Variants in GPRC5A observed in about 807,000 individuals in gnomAD.
GPRC5A encodes the protein G protein-coupled receptor class C group 5 member A.
In GPRC5A, 19 loss-of-function variants were observed where a neutral mutation model predicts 22.5. The observed-to-expected ratio is 0.85, with a 90% CI of 0.59 to 1.24. The LOEUF (loss-of-function observed/expected upper bound fraction) is 1.24, where lower values mean the gene tolerates loss of function less well. GPRC5A is among the 50% of genes most tolerant of loss of function. The pLI is 0.00. For missense variants in GPRC5A, 471 were observed against 451.1 expected (o/e 1.04, Z -0.40); for synonymous variants, 192 against 184.5 (o/e 1.04, Z -0.33).
At position 12,908,943 on chromosome 12, in the gene GPRC5A, A is replaced by C; in HGVS notation, c.694A>C (p.Met232Leu). The change falls in exon 2 of 4, where the codon ATG becomes CTG. Residue 232 changes from methionine to leucine, a missense_variant. Coordinates refer to ENST00000014914, the MANE Select transcript of GPRC5A (RefSeq NM_003979.4). ...CTGGGTGGCCTGGATCACCCTGCTCATGCTTCCTGACTTTGACCGCAGGTG... is the reference window on the plus strand; with the variant it reads ...CTGGGTGGCCTGGATCACCCTGCTCCTGCTTCCTGACTTTGACCGCAGGTG... ...AIWVAWITLL[M>L]LPDFDRRWDD... 1 of 1,613,972 alleles carries C rather than the reference A, an allele frequency of 6.2e-7. No individual in the cohort carries two copies. The highest frequency in any genetic ancestry group is 8.5e-7 in the Non-Finnish European group (1 of 1,179,940).
chr12:12,894,773 T>TTTTG (rs1555104157), intron 1 of GPRC5A, among the ~76,000 whole-genome samples: 13 of 20,182 alleles, frequency 6.4e-4, no homozygotes, highest in Non-Finnish European at 1.2e-3. Context: ...TCTAGGATGG[T>TTTTG]TTTTTTTTTT....
At position 12,916,125 on chromosome 12, in the gene GPRC5A, A is replaced by G. The variant is rs559239033; in HGVS notation, c.*3586A>G. 14 of 179,544 alleles carry G rather than the reference A, an allele frequency of 7.8e-5. No homozygotes were observed. Among genetic ancestry groups the G allele is most frequent in the Non-Finnish European group, 1.5e-4 (12 of 81,192 alleles). 11.1% of individuals were successfully genotyped at this position (179,544 alleles called of 1,614,324 possible). On this transcript the variant is annotated 3_prime_UTR_variant, in exon 4 of 4. Transcript: ENST00000014914. ...CTACAGGCTTTGACATCTGAGAATC[A>G]AACTGGAGAACATTCCGAAGCCGTT...
intron 1 of GPRC5A, among the ~76,000 whole-genome samples, chr12:12,897,071 A>G (rs1166072250): frequency 6.6e-6 from 1 of 152,004 alleles, no homozygotes. Flanking sequence ...TACTAAAAAT[A>G]TAATAATTAG....
chr12:12,907,149 C>T (rs1863950369), intron 1 of GPRC5A, among the ~76,000 whole-genome samples: 1 of 151,858 alleles, frequency 6.6e-6, no homozygotes. Flanking sequence ...CAGCCGCTGG[C>T]TCAGAAGGGA....
intron 1 of GPRC5A, among the ~76,000 whole-genome samples, chr12:12,900,448 C>T (rs78686897): frequency 0.041 from 6,282 of 152,182 alleles, 263 homozygotes; most frequent in African/African-American, 0.11. Flanking sequence ...GTTCACACAG[C>T]CTGGCAGCTG....
rs1025406897 is a variant in GPRC5A, at chr12:12,916,749, T to C, written c.*4210T>C. 6.6e-6 allele frequency: 1 copy of C among 152,226 alleles called. No homozygotes were observed. The allele number at this position is 152,226 out of a possible 1,614,324, so 9.4% of individuals were successfully genotyped here. ...TATTGTTGTTAACGTGGACTAGTAT[T>C]TATGTGTTGAGAACACTGGCTGTTT... On this transcript the variant is annotated 3_prime_UTR_variant, in exon 4 of 4. Coordinates refer to ENST00000014914, the MANE Select transcript of GPRC5A (RefSeq NM_003979.4).
chr12:12,896,066 T>C (rs1863820408), intron 1 of GPRC5A, among the ~76,000 whole-genome samples: 1 of 151,844 alleles, frequency 6.6e-6, no homozygotes, highest in Admixed American at 6.6e-5. Flanking sequence ...TTTCTGGAAA[T>C]TTCATTTCTT....
chr12:12,909,575 G>T (rs1351877567), intron 2 of GPRC5A: 1 of 163,542 alleles, frequency 6.1e-6, no homozygotes, highest in Non-Finnish European at 1.3e-5. Context: ...AAAAGATAAC[G>T]AGGCATTCCT....
intron 2 of GPRC5A, chr12:12,909,938 A>T (rs892652605): frequency 2.6e-4 from 19 of 72,602 alleles, no homozygotes; most frequent in African/African-American, 9.3e-4. Context: ...ATCTCTATTT[A>T]AAAAAAAAAA....
At chr12:12,894,490 C>A (rs1863799179) in intron 1 of GPRC5A, among the ~76,000 whole-genome samples, 1 of 152,040 alleles carries the variant, frequency 6.6e-6, no homozygotes, top group African/African-American at 2.4e-5. Context: ...CTGACTGTAA[C>A]CTCCACCTCC....
Position 12,912,106 on chromosome 12 carries a change from G to A in GPRC5A, c.945G>A (p.Thr315=), listed in dbSNP as rs140143814. ...CAGGTTTTGAAGAGACAGGGGACAC[G>A]CTCTATGCCCCCTATTCCACACATT... The part of the protein sequence containing the change: ...ITQGFEETGD[T]LYAPYSTHFQ... Residue 315 remains threonine, a synonymous_variant, in exon 3 of 4, where the codon ACG becomes ACA. Coordinates refer to ENST00000014914, the MANE Select transcript of GPRC5A (RefSeq NM_003979.4). The A allele has an allele frequency of 6.2e-6, 10 of 1,612,950 alleles. No homozygotes were observed. The highest frequency in any genetic ancestry group is 2.7e-5 in the African/African-American group (2 of 74,886).
chr12:12,910,597 C>T (rs756162919), intron 2 of GPRC5A, among the ~76,000 whole-genome samples: 31 of 152,296 alleles, frequency 2.0e-4, no homozygotes, highest in Non-Finnish European at 3.8e-4. Flanking sequence ...TGAACCAAGT[C>T]GCTGTGCTTT....
chr12:12,901,083 T>G (rs1330208038), intron 1 of GPRC5A, among the ~76,000 whole-genome samples: 1 of 152,066 alleles, frequency 6.6e-6, no homozygotes, highest in Non-Finnish European at 1.5e-5. Context: ...TGTTAATTGT[T>G]AGCAGCTGGA....
Position 12,917,493 on chromosome 12 carries a change from A to G in GPRC5A, c.*4954A>G, listed in dbSNP as rs984472796. 1.3e-5 allele frequency: 2 copies of G among 151,976 alleles called. No homozygotes were observed. The highest frequency in any genetic ancestry group is 4.8e-5 in the African/African-American group (2 of 41,386). The allele number at this position is 151,976 out of a possible 1,614,324, so 9.4% of individuals were successfully genotyped here. A position where few individuals can be genotyped will look rare whatever the true frequency, so the allele number is the denominator to read the frequency against. On this transcript the variant is annotated 3_prime_UTR_variant, in exon 4 of 4. Transcript: ENST00000014914. ...TCTACCGTCAGCACCTGTGTGGTCA[A>G]TTCTGGACACTTCCCAGAGAAGTCT...
At position 12,893,743 on chromosome 12, in the gene GPRC5A, TG is replaced by T. The variant is rs1171175705; in HGVS notation, c.-8+2080del. 1.6e-4 allele frequency among the ~76,000 whole-genome samples: 24 copies of T among 152,082 alleles called. 1 individual carries two copies. The highest frequency in any genetic ancestry group is 4.8e-4 in the African/African-American group (20 of 41,420). ...TCTGTAAATAAAGTGATTTTTGTTT[TG>T]TTTTGTTTTGTTTTTGTTTTCGTTT... On this transcript the variant is annotated intron_variant, in intron 1 of 3. Coordinates refer to ENST00000014914, the MANE Select transcript of GPRC5A (RefSeq NM_003979.4).
In GPRC5A at chr12:12,908,854, C is replaced by A; in HGVS notation, c.605C>A (p.Ser202Tyr). 1 of 1,614,142 alleles carries A rather than the reference C, an allele frequency of 6.2e-7. No individual in the cohort carries two copies. The highest frequency in any genetic ancestry group is 8.5e-7 in the Non-Finnish European group (1 of 1,179,992). Residue 202 changes from serine to tyrosine, a missense_variant, in exon 2 of 4, where the codon TCC (serine) becomes TAC (tyrosine). Ser to Tyr is a moderately radical substitution (Grantham distance 144, BLOSUM62 -2). Coordinates refer to ENST00000014914, the MANE Select transcript of GPRC5A (RefSeq NM_003979.4). ...ATGTCCTCCTTCACCTTCTGTGGTT[C>A]CTTCACGGGCTGGAAGAGACATGGG... The part of the protein sequence containing the change: ...FLMSSFTFCG[S>Y]FTGWKRHGAH...
chr12:12,906,713 A>G lies in GPRC5A; in HGVS notation c.-7-1530A>G, dbSNP rs547632921. Among the ~76,000 whole-genome samples the G allele has an allele frequency of 1.2e-3, 185 of 152,280 alleles. 1 individual carries two copies. The highest frequency in any genetic ancestry group is 4.3e-3 in the African/African-American group (180 of 41,552). On this transcript the variant is annotated intron_variant, in intron 1 of 3. Coordinates refer to ENST00000014914, the MANE Select transcript of GPRC5A (RefSeq NM_003979.4). ...CAATTTAGAGCTGGTTATGACAGAC[A>G]AGACCCCTTTCATAACTTTTCGGAA...
chr12:12,900,486 G>A (rs1863869989), intron 1 of GPRC5A, among the ~76,000 whole-genome samples: 1 of 152,254 alleles, frequency 6.6e-6, no homozygotes. Flanking sequence ...AGGGGAGGAG[G>A]AACAGAGGGC....
At position 12,894,772 on chromosome 12, in the gene GPRC5A, G is replaced by GTTTTTTTTTT. The variant is rs56794431; in HGVS notation, c.-8+3123_-8+3132dup. On this transcript the variant is annotated intron_variant, in intron 1 of 3. Transcript: ENST00000014914. Reference sequence around the variant, plus strand: ...AGTTGGTGCATAAAAGTCTAGGATGGTTTTTTTTTTTTTTTTTTTTTTTTG... The same window carrying GTTTTTTTTTT: ...AGTTGGTGCATAAAAGTCTAGGATGGTTTTTTTTTTTTTTTTTTTTTTTTTTTTTTTTTTG... Among the ~76,000 whole-genome samples the GTTTTTTTTTT allele has an allele frequency of 3.0e-4, 20 of 67,464 alleles. 5 individuals carry two copies. Among genetic ancestry groups the GTTTTTTTTTT allele is most frequent in the Admixed American group, 7.7e-4 (3 of 3,876 alleles). The allele number at this position is 67,464 out of a possible 152,430, so 44.3% of individuals were successfully genotyped here.
Sources: gnomAD v4.1 joint callset for allele counts (sites outside exome capture counted in the v4.1 genomes callset) on GRCh38, gnomAD v4.1.1 for gene constraint, MANE v1.5 for transcripts, NCBI Gene and HGNC (gene_info 2026-07-23, HGNC 2026-07-21) for gene names.